Variants in BCAS3 observed in about 807,000 individuals in gnomAD.
BCAS3 encodes the protein BCAS4/BCAS3 fusion.
In BCAS3, 53 loss-of-function variants were observed where a neutral mutation model predicts 116.1. The observed-to-expected ratio is 0.46, with a 90% CI of 0.37 to 0.57. The LOEUF is 0.57. Ranked by LOEUF, BCAS3 falls within the 20% of genes least tolerant of loss-of-function variation. The pLI, the probability that BCAS3 is intolerant of heterozygous loss-of-function variation, is 0.00. For missense variants in BCAS3, 917 were observed against 1,165.4 expected, an observed-to-expected ratio of 0.79 and a Z score of 3.10; for synonymous variants, 391 against 408.2, an observed-to-expected ratio of 0.96 and a Z score of 0.51.
At chr17:60,712,274 G>T (rs530815121) in intron 5 of BCAS3, among the ~76,000 whole-genome samples, 1 of 152,112 alleles carries the variant, frequency 6.6e-6, no homozygotes, top group Admixed American at 6.5e-5. Context: ...TACTCGGGAG[G>T]ATGAGGCAGG....
intron 7 of BCAS3, among the ~76,000 whole-genome samples, chr17:60,859,271 TG>T (rs143302635): frequency 0.018 from 2,768 of 152,184 alleles, 77 homozygotes; most frequent in East Asian, 0.091. Context: ...TGGAGTTTGG[TG>T]TACAGATTAT....
rs1430906912 is a variant in BCAS3 at position 61,333,375 on chromosome 17, G to A, written c.2426-34952G>A. The stretch of plus-strand genomic sequence containing the variant: ...CACCAGTTCTTACCAGACAATAGCT[G>A]TCTATGACCTCAAGCCAGGCCTAGG... On this transcript the variant is annotated intron_variant, in intron 22 of 23. Transcript: ENST00000407086. This position sits in a 1 kb window ranked among gnomAD's most constrained non-coding sequence, Gnocchi z 4.8. 6.6e-6 allele frequency among the ~76,000 whole-genome samples: 1 copy of A among 152,150 alleles called. No individual in the cohort carries two copies. Among genetic ancestry groups the A allele is most frequent in the Non-Finnish European group, 1.5e-5 (1 of 68,028 alleles).
intron 22 of BCAS3, among the ~76,000 whole-genome samples, chr17:61,086,500 T>A (rs1331133291): frequency 6.6e-6 from 1 of 151,838 alleles, no homozygotes; most frequent in Non-Finnish European, 1.5e-5. Context: ...GCAAGAAGAG[T>A]TTTTAAGTTG....
In BCAS3 at chr17:60,703,967, C is replaced by G. The variant is rs541716393; in HGVS notation, c.215-5252C>G. ...AAAAAAGAAAGACTTACTATAGACT[C>G]TAATATGATTTGAGAAAAAGCGAAG... On this transcript the variant is annotated intron_variant, in intron 4 of 23. Coordinates refer to ENST00000407086, the MANE Select transcript of BCAS3 (RefSeq NM_017679.5). Among the ~76,000 whole-genome samples, 19 of 150,940 alleles carry G rather than the reference C, an allele frequency of 1.3e-4. No homozygotes were observed. In the South Asian group the frequency reaches 4.0e-3, roughly 32 times the overall value.
intron 5 of BCAS3, among the ~76,000 whole-genome samples, chr17:60,715,080 G>GTT: frequency 6.7e-6 from 1 of 149,422 alleles, no homozygotes; most frequent in East Asian, 1.9e-4. Context: ...AAACCAAATA[G>GTT]TTTCGTGAGA....
At chr17:60,818,609 A>G (rs2049653228) in intron 7 of BCAS3, among the ~76,000 whole-genome samples, 1 of 152,124 alleles carries the variant, frequency 6.6e-6, no homozygotes, top group African/African-American at 2.4e-5. Context: ...TTATCTCCAT[A>G]GGCAGCAAAG....
intron 22 of BCAS3, chr17:61,159,551 G>T (rs1601639027): frequency 6.6e-6 from 1 of 152,270 alleles, no homozygotes; most frequent in East Asian, 1.9e-4. Flanking sequence ...GTAATCTTGT[G>T]CATTTTTAAC....
At chr17:60,859,934 A>C (rs146483942) in intron 7 of BCAS3, among the ~76,000 whole-genome samples, 5 of 152,064 alleles carry the variant, frequency 3.3e-5, no homozygotes, top group African/African-American at 4.8e-5. Context: ...CATGAATTTG[A>C]TATTGTGACT....
chr17:61,175,226 G>T (rs2079067515), intron 22 of BCAS3, among the ~76,000 whole-genome samples: 1 of 152,166 alleles, frequency 6.6e-6, no homozygotes, highest in Admixed American at 6.5e-5. Flanking sequence ...GAGCAACTTA[G>T]TGAGACCCCA....
intron 22 of BCAS3, among the ~76,000 whole-genome samples, chr17:61,102,415 T>G (rs986933006): frequency 6.6e-6 from 1 of 152,190 alleles, no homozygotes; most frequent in East Asian, 1.9e-4. Context: ...CTGAATACAC[T>G]ATGCTAAGCA....
chr17:60,792,380 C>T (rs1390123743), intron 6 of BCAS3, among the ~76,000 whole-genome samples: 2 of 152,204 alleles, frequency 1.3e-5, no homozygotes, highest in Non-Finnish European at 2.9e-5. Context: ...GTGGGTGAAC[C>T]CCCCGCTCGC....
intron 14 of BCAS3, among the ~76,000 whole-genome samples, chr17:60,950,428 G>T (rs1240653909): frequency 6.6e-6 from 1 of 152,166 alleles, no homozygotes; most frequent in East Asian, 1.9e-4. Context: ...GGAGAAAATT[G>T]ACCATGAATG....
At chr17:61,006,537 A>C (rs1260685694) in intron 15 of BCAS3, among the ~76,000 whole-genome samples, 1 of 152,068 alleles carries the variant, frequency 6.6e-6, no homozygotes, top group Non-Finnish European at 1.5e-5. Context: ...ATTCATTGTG[A>C]GGTAAAGATG....
intron 5 of BCAS3, among the ~76,000 whole-genome samples, chr17:60,723,133 A>C (rs1951880782): frequency 6.6e-6 from 1 of 152,172 alleles, no homozygotes; most frequent in African/African-American, 2.4e-5. Flanking sequence ...CTCATTGTGG[A>C]GATTCACCAA....
Position 61,282,487 on chromosome 17 carries a change from A to G in BCAS3, c.2426-85840A>G, listed in dbSNP as rs2051323039. On this transcript the variant is annotated intron_variant, in intron 22 of 23. Coordinates refer to ENST00000407086, the MANE Select transcript of BCAS3 (RefSeq NM_017679.5). This position sits in a 1 kb window ranked among gnomAD's most constrained non-coding sequence, Gnocchi z 5.9. ...GAGAGTTCACTTTTATTGGGCTGAA[A>G]GAGTTCAAAGGCAAAGTCTTCTGGG... 6.6e-6 allele frequency among the ~76,000 whole-genome samples: 1 copy of G among 152,226 alleles called. No homozygotes were observed. The highest frequency in any genetic ancestry group is 2.4e-5 in the African/African-American group (1 of 41,460).
intron 23 of BCAS3, chr17:61,383,683 G>A (rs2059709303): frequency 6.6e-6 from 1 of 152,292 alleles, no homozygotes; most frequent in Non-Finnish European, 1.5e-5. Flanking sequence ...CAGTGGCAGG[G>A]AGGAACGCGC....
intron 22 of BCAS3, among the ~76,000 whole-genome samples, chr17:61,173,631 T>C (rs529438183): frequency 2.0e-5 from 3 of 152,194 alleles, no homozygotes; most frequent in Admixed American, 2.0e-4. Flanking sequence ...TATGGCCCAG[T>C]GCTTTGGGAG....
intron 22 of BCAS3, among the ~76,000 whole-genome samples, chr17:61,109,958 A>G (rs1208150451): frequency 2.0e-5 from 3 of 151,986 alleles, no homozygotes; most frequent in East Asian, 3.9e-4. Flanking sequence ...ATTCCCATCT[A>G]TTTATCTTTG....
intron 6 of BCAS3, among the ~76,000 whole-genome samples, chr17:60,748,115 A>G (rs1249952781): frequency 6.6e-6 from 1 of 152,192 alleles, no homozygotes; most frequent in South Asian, 2.1e-4. Context: ...TAATTCTATT[A>G]TATTTTAAAA....
Sources: allele counts gnomAD v4.1 joint callset (sites outside exome capture counted in the v4.1 genomes callset), GRCh38; gene constraint gnomAD v4.1.1; non-coding constraint Gnocchi (gnomAD v3.1); transcripts MANE v1.5; gene names NCBI Gene and HGNC (gene_info 2026-07-23, HGNC 2026-07-21).